Variants in DNAI1 observed in about 807,000 individuals in gnomAD.
DNAI1 encodes the protein dynein, axonemal, intermediate polypeptide 1.
In DNAI1, 67 loss-of-function variants were observed where a neutral mutation model predicts 92.0. The ratio of observed to expected loss-of-function variants is 0.73; its 90% CI spans 0.60 to 0.89. DNAI1 has a LOEUF of 0.89. DNAI1 is among the 40% of genes least tolerant of loss of function. The pLI, the probability that DNAI1 is intolerant of heterozygous loss-of-function variation, is 0.00. For synonymous variants in DNAI1, 323 were observed against 319.6 expected, an observed-to-expected ratio of 1.01 and a Z score of -0.11; for missense variants, 839 against 866.6, an observed-to-expected ratio of 0.97 and a Z score of 0.40.
intron 1 of DNAI1, among the ~76,000 whole-genome samples, chr9:34,482,004 C>G (rs1227941522): frequency 6.6e-6 from 1 of 152,204 alleles, no homozygotes; most frequent in Non-Finnish European, 1.5e-5. Flanking sequence ...CCTGTTTTGT[C>G]AGGGCGCTGA....
chr9:34,495,948 C>A (rs1824713726), intron 9 of DNAI1, among the ~76,000 whole-genome samples: 1 of 152,162 alleles, frequency 6.6e-6, no homozygotes, highest in African/African-American at 2.4e-5. Flanking sequence ...AACTTGGAGT[C>A]TCTTTCAGGC....
chr9:34,489,909 C>T lies in DNAI1; in HGVS notation c.389-103C>T, dbSNP rs1824550470. 4 of 1,537,650 alleles carry T rather than the reference C, an allele frequency of 2.6e-6. No individual in the cohort carries two copies. In the African/African-American group the frequency reaches 4.1e-5, roughly 16 times the overall value. ...TAGGTCAGGGAGCTAACCCATGACA[C>T]TCAGGCCAAGGAAAACCCCAGGCAG... On this transcript the variant is annotated intron_variant, in intron 5 of 19. Coordinates refer to ENST00000242317, the MANE Select transcript of DNAI1 (RefSeq NM_012144.4).
intron 8 of DNAI1, among the ~76,000 whole-genome samples, 171 bp downstream of exon 8, chr9:34,491,725 A>C (rs549210178): frequency 6.6e-6 from 1 of 152,198 alleles, no homozygotes; most frequent in Admixed American, 6.5e-5. Flanking sequence ...CACCAGGCAC[A>C]TGAGACAGTA....
chr9:34,482,073 A>C (rs576487283), intron 1 of DNAI1, among the ~76,000 whole-genome samples: 14 of 152,346 alleles, frequency 9.2e-5, no homozygotes, highest in Non-Finnish European at 1.6e-4. Context: ...CCATCAGATT[A>C]GTTAGATACA....
intron 4 of DNAI1, among the ~76,000 whole-genome samples, chr9:34,488,932 G>T (rs1824526190): frequency 6.6e-6 from 1 of 152,190 alleles, no homozygotes; most frequent in Admixed American, 6.5e-5. Flanking sequence ...GTACAGTGGA[G>T]AGAGGGTTAT....
intron 19 of DNAI1, among the ~76,000 whole-genome samples, chr9:34,520,192 G>C (rs1825242743): frequency 6.6e-6 from 1 of 152,174 alleles, no homozygotes; most frequent in Non-Finnish European, 1.5e-5. Context: ...AGAGGACTAG[G>C]TGAGGTCCGG....
At position 34,459,052 on chromosome 9, in the gene DNAI1, A is replaced by G. The variant is rs148701985; in HGVS notation, c.47A>G (p.Gln16Arg). 2.4e-4 allele frequency: 380 copies of G among 1,614,108 alleles called. 2 individuals carry two copies. The African/African-American group carries it at 4.6e-3, about 19-fold the overall frequency. Residue 16 changes from glutamine to arginine, a missense_variant and splice_region_variant, in exon 1 of 20, where the codon CAG becomes CGG. Physicochemically the swap from Gln to Arg is conservative, Grantham distance 43. Coordinates refer to ENST00000242317, the MANE Select transcript of DNAI1 (RefSeq NM_012144.4). The part of the protein sequence containing the change: ...AKAPHKQPHK[Q>R]SISIGRGTRK... ...GCTCCCCATAAACAGCCTCATAAGCAGGTAACGTACGCACACCTTCCTTCT... is the reference window on the plus strand; with the variant it reads ...GCTCCCCATAAACAGCCTCATAAGCGGGTAACGTACGCACACCTTCCTTCT...
At chr9:34,461,549 G>C (rs1010160091) in intron 1 of DNAI1, among the ~76,000 whole-genome samples, 2 of 152,166 alleles carry the variant, frequency 1.3e-5, no homozygotes, top group African/African-American at 4.8e-5. Context: ...GTTTGAACAA[G>C]CTTGGGGATG....
chr9:34,489,383 G>C lies in DNAI1; in HGVS notation c.322G>C (p.Gly108Arg). The change falls in exon 5 of 20, where the codon GGG (glycine) becomes CGG (arginine). Residue 108 changes from glycine to arginine, a missense_variant. Physicochemically the swap from Gly to Arg is moderately radical, Grantham distance 125 (BLOSUM62 -2). Transcript: ENST00000242317. ...NQLAVHYTQVGNLIPKDSDEG... is the reference protein window; with the variant it reads ...NQLAVHYTQVRNLIPKDSDEG... Reference sequence around the variant, plus strand: ...ACTGGCAGTTCACTACACCCAGGTTGGGAACCTGATCCCCAAAGACTCAGA... The same window carrying C: ...ACTGGCAGTTCACTACACCCAGGTTCGGAACCTGATCCCCAAAGACTCAGA... 6.2e-7 allele frequency: 1 copy of C among 1,614,092 alleles called. No homozygotes were observed. Among genetic ancestry groups the C allele is most frequent in the African/African-American group, 1.3e-5 (1 of 75,050 alleles).
In DNAI1 at chr9:34,490,370, C is replaced by A. The variant is rs143015286; in HGVS notation, c.503C>A (p.Ala168Glu). 86 of 1,614,048 alleles carry A rather than the reference C, an allele frequency of 5.3e-5. No homozygotes were observed. The highest frequency in any genetic ancestry group is 6.5e-5 in the Non-Finnish European group (77 of 1,180,040). The change falls in exon 7 of 20, where the codon GCA becomes GAA. Residue 168 changes from alanine to glutamate, a missense_variant and splice_region_variant. Transcript: ENST00000242317. ...GSQTDVPAAG[A>E]AEKVTEEELM... Reference sequence around the variant, plus strand: ...GATCCTCTGGGTCTTTATTTTCAGGCAGCTGAAAAAGTGACTGAAGAAGAA... The same window carrying A: ...GATCCTCTGGGTCTTTATTTTCAGGAAGCTGAAAAAGTGACTGAAGAAGAA...
rs768795225 is a variant in DNAI1 at position 34,512,416 on chromosome 9, A to G, written c.1481A>G (p.His494Arg). 21 of 1,613,978 alleles carry G rather than the reference A, an allele frequency of 1.3e-5. 1 individual carries two copies. The South Asian group carries it at 2.3e-4, about 18-fold the overall frequency. The change falls in exon 15 of 20, where the codon CAC (histidine) becomes CGC (arginine). Residue 494 changes from histidine to arginine, a missense_variant. Coordinates refer to ENST00000242317, the MANE Select transcript of DNAI1 (RefSeq NM_012144.4). ...TTEVPEGLQL[H>R]PVGCGTAFDF... Reference sequence around the variant, plus strand: ...GAAGTTCCTGAGGGGTTGCAGCTGCACCCAGTGGGTAGGAGCCCCAGCCCT... The same window carrying G: ...GAAGTTCCTGAGGGGTTGCAGCTGCGCCCAGTGGGTAGGAGCCCCAGCCCT...
Position 34,490,011 on chromosome 9 carries a change from G to C in DNAI1, c.389-1G>C, listed in dbSNP as rs200488444. The stretch of plus-strand genomic sequence containing the variant: ...GAACTCATTGGCAGTATCCTACCAA[G>C]GTTCTCAGGAGTCTGTCAAGGTGAT... On this transcript the variant is annotated splice_acceptor_variant, in intron 5 of 19. Coordinates refer to ENST00000242317, the MANE Select transcript of DNAI1 (RefSeq NM_012144.4). LOFTEE classifies it high-confidence loss of function. 557 of 1,614,054 alleles carry C rather than the reference G, an allele frequency of 3.5e-4. No individual in the cohort carries two copies. The highest frequency in any genetic ancestry group is 7.0e-4 in the Admixed American group (42 of 60,004).
At chr9:34,459,184 G>A in intron 1 of DNAI1, 131 bp downstream of exon 1, 10 of 875,642 alleles carry the variant, frequency 1.1e-5, no homozygotes, top group Non-Finnish European at 1.9e-5. Context: ...CGTGACCTCT[G>A]GTAAGTGCTC....
chr9:34,489,385 G>A lies in DNAI1; in HGVS notation c.324G>A (p.Gly108=). The change falls in exon 5 of 20, where the codon GGG becomes GGA. Residue 108 remains glycine (G), a synonymous_variant. Coordinates refer to ENST00000242317, the MANE Select transcript of DNAI1 (RefSeq NM_012144.4). ...NQLAVHYTQV[G]NLIPKDSDEG... ...TGGCAGTTCACTACACCCAGGTTGG[G>A]AACCTGATCCCCAAAGACTCAGATG... The A allele has an allele frequency of 2.5e-6, 4 of 1,614,086 alleles. No individual in the cohort carries two copies. The highest frequency in any genetic ancestry group is 3.4e-6 in the Non-Finnish European group (4 of 1,179,988).
At chr9:34,488,386 T>C in intron 4 of DNAI1, 1 of 155,190 alleles carries the variant, frequency 6.4e-6, no homozygotes, top group South Asian at 1.9e-4. Flanking sequence ...GTGGTGACTT[T>C]TAAATACAGA....
At position 34,500,757 on chromosome 9, in the gene DNAI1, C is replaced by T. The variant is rs1285752841; in HGVS notation, c.937C>T (p.Arg313Trp). 8.7e-6 allele frequency: 14 copies of T among 1,613,862 alleles called. No individual in the cohort carries two copies. Among genetic ancestry groups the T allele is most frequent in the Middle Eastern group, 1.6e-4 (1 of 6,084 alleles). ...CTATGACGATGCTGCTGATGAATAC[C>T]GGGACCAGGTGGGTACCCTGCTGCC... is the stretch of plus-strand genomic sequence containing the variant. ...KYYDDAADEY[R>W]DQVGTLLPLW... The change falls in exon 11 of 20, where the codon CGG becomes TGG. Residue 313 changes from arginine to tryptophan, a missense_variant. By Grantham distance (101) the Arg-to-Trp change is moderately radical. Transcript: ENST00000242317.
chr9:34,501,141 T>C lies in DNAI1; in HGVS notation c.1023T>C (p.Asn341=). ...GGATTCATATTTTTTTTTGCAGGAA[T>C]CCAAAGTACAGGGATCTGTTTGCAG... ...KRLSVTALCW[N]PKYRDLFAVG... The change falls in exon 12 of 20, where the codon AAT becomes AAC. Residue 341 remains asparagine, a synonymous_variant. Transcript: ENST00000242317. The C allele has an allele frequency of 6.2e-7, 1 of 1,613,310 alleles. No individual in the cohort carries two copies. Among genetic ancestry groups the C allele is most frequent in the Non-Finnish European group, 8.5e-7 (1 of 1,179,224 alleles).
At chr9:34,469,653 C>G (rs1264392259) in intron 1 of DNAI1, among the ~76,000 whole-genome samples, 3 of 152,116 alleles carry the variant, frequency 2.0e-5, no homozygotes, top group African/African-American at 7.2e-5. Context: ...TCTCAGCTCT[C>G]TGCAACCTGT....
At position 34,506,512 on chromosome 9, in the gene DNAI1, C is replaced by CT. The variant is rs144468965; in HGVS notation, c.1064-114dup. 901 of 1,414,524 alleles carry CT rather than the reference C, an allele frequency of 6.4e-4. 3 individuals carry two copies. In the African/African-American group the frequency reaches 0.011, roughly 18 times the overall value. The allele number at this position is 1,414,524 out of a possible 1,614,324, so 87.6% of individuals were successfully genotyped here. ...GAATCCCAGAGAGGAATCCCACACT[C>CT]TGACAGATGCAGAGCAGGGCAGGGC... On this transcript the variant is annotated intron_variant, in intron 12 of 19. Coordinates refer to ENST00000242317, the MANE Select transcript of DNAI1 (RefSeq NM_012144.4).
Sources: gnomAD v4.1 joint callset for allele counts (sites outside exome capture counted in the v4.1 genomes callset) on GRCh38, gnomAD v4.1.1 for gene constraint, MANE v1.5 for transcripts, NCBI Gene and HGNC (gene_info 2026-07-23, HGNC 2026-07-21) for gene names.